CNTN5: variants seen among roughly 807,000 people sequenced by gnomAD.
CNTN5 encodes the protein contactin-5.
Under a neutral mutation model 129.1 loss-of-function variants are expected in CNTN5, and 77 were observed. The observed-to-expected ratio is 0.60, with a 90% CI of 0.50 to 0.72. CNTN5 has a LOEUF of 0.72. Ranked by LOEUF, CNTN5 falls within the 30% of genes least tolerant of loss-of-function variation. The pLI is 0.00. For synonymous variants in CNTN5, 509 were observed against 465.6 expected, an observed-to-expected ratio of 1.09 and a Z score of -1.20; for missense variants, 1,478 against 1,328.8, an observed-to-expected ratio of 1.11 and a Z score of -1.75.
chr11:100,337,027 T>A (rs1332972566), intron 21 of CNTN5: 1 of 904,518 alleles, frequency 1.1e-6, no homozygotes, highest in Non-Finnish European at 1.9e-6. Context: ...TTCTGCCACT[T>A]TGATTGATGA....
intron 9 of CNTN5, among the ~76,000 whole-genome samples, chr11:100,018,425 C>T (rs567051930): frequency 1.1e-4 from 16 of 151,898 alleles, no homozygotes; most frequent in South Asian, 6.2e-4. Context: ...CTCTTTTGAC[C>T]GAGAGTGGGA....
intron 3 of CNTN5, among the ~76,000 whole-genome samples, chr11:99,671,161 T>TTTTA (rs1565410831): frequency 1.3e-5 from 2 of 152,070 alleles, no homozygotes; most frequent in African/African-American, 4.8e-5. Flanking sequence ...TTTTTTTTTT[T>TTTTA]ATGTGTTACC....
intron 3 of CNTN5, among the ~76,000 whole-genome samples, chr11:99,572,174 C>A (rs1314960104): frequency 6.6e-6 from 1 of 152,136 alleles, no homozygotes; most frequent in African/African-American, 2.4e-5. Flanking sequence ...TAGGAATGTT[C>A]AATCCTTTGG....
chr11:99,769,640 C>A (rs886722774), intron 3 of CNTN5, among the ~76,000 whole-genome samples: 1 of 151,992 alleles, frequency 6.6e-6, no homozygotes, highest in Non-Finnish European at 1.5e-5. Flanking sequence ...AGTTGGAGAG[C>A]AGCCTGGGAA....
intron 13 of CNTN5, among the ~76,000 whole-genome samples, chr11:100,110,810 T>C (rs1048960351): frequency 6.6e-6 from 1 of 152,098 alleles, no homozygotes; most frequent in Non-Finnish European, 1.5e-5. Context: ...AACAGTGAAA[T>C]GTGGGATTGA....
intron 2 of CNTN5, among the ~76,000 whole-genome samples, chr11:99,423,743 A>AT (rs1565570265): frequency 6.6e-6 from 1 of 151,936 alleles, no homozygotes; most frequent in Non-Finnish European, 1.5e-5. Flanking sequence ...AATTCACAAC[A>AT]GGTTCCCTGG....
At chr11:99,794,310 T>A (rs769737834) in intron 3 of CNTN5, among the ~76,000 whole-genome samples, 4 of 152,100 alleles carry the variant, frequency 2.6e-5, no homozygotes, top group Non-Finnish European at 5.9e-5. Context: ...TGTGAAAGTA[T>A]GGGTGTCACT....
chr11:99,073,117 A>C (rs75451074), intron 1 of CNTN5, among the ~76,000 whole-genome samples: 4,158 of 152,148 alleles, frequency 0.027, 92 homozygotes, highest in East Asian at 0.06. Context: ...GATTTAGTAC[A>C]ATTTATTTAT....
intron 1 of CNTN5, among the ~76,000 whole-genome samples, chr11:99,321,324 A>ATTATATATATATAT (rs1865561192): frequency 6.7e-6 from 1 of 149,670 alleles, no homozygotes; most frequent in Admixed American, 6.7e-5. Flanking sequence ...GAGATTTTAT[A>ATTATATATATATAT]TTATATACAT....
chr11:99,901,357 C>T (rs1278505228), intron 6 of CNTN5, among the ~76,000 whole-genome samples: 1 of 152,028 alleles, frequency 6.6e-6, no homozygotes, highest in Non-Finnish European at 1.5e-5. Flanking sequence ...GCGGCACGAT[C>T]TTGGCTCACT....
chr11:99,828,272 C>T (rs1326110081), intron 4 of CNTN5, among the ~76,000 whole-genome samples: 1 of 152,096 alleles, frequency 6.6e-6, no homozygotes, highest in Non-Finnish European at 1.5e-5. Flanking sequence ...CTAATGATAG[C>T]ATTCTGTCTT....
intron 1 of CNTN5, among the ~76,000 whole-genome samples, chr11:99,088,192 T>G (rs1454536657): frequency 6.6e-6 from 1 of 152,184 alleles, no homozygotes; most frequent in Non-Finnish European, 1.5e-5. Flanking sequence ...GTGTCTTTTT[T>G]CTATGTTCTC....
intron 21 of CNTN5, among the ~76,000 whole-genome samples, chr11:100,317,271 T>C (rs1234114851): frequency 6.6e-6 from 1 of 152,192 alleles, no homozygotes; most frequent in Non-Finnish European, 1.5e-5. Context: ...CAGATTGTAT[T>C]TACTTTGTAT....
At position 99,867,153 on chromosome 11, in the gene CNTN5, A is replaced by G. The variant is rs372682369; in HGVS notation, c.577+21891A>G. ...CTAATGCTCTTGTAAAGAAAGAGCAATAAACATGTTGCATCTTGCAGTCAA... is the reference window on the plus strand; with the variant it reads ...CTAATGCTCTTGTAAAGAAAGAGCAGTAAACATGTTGCATCTTGCAGTCAA... On this transcript the variant is annotated intron_variant, in intron 6 of 24. Coordinates refer to ENST00000524871, the MANE Select transcript of CNTN5 (RefSeq NM_014361.4). Among the ~76,000 whole-genome samples, 31 of 152,348 alleles carry G rather than the reference A, an allele frequency of 2.0e-4. No individual in the cohort carries two copies. The East Asian group carries it at 3.3e-3, about 16-fold the overall frequency.
chr11:99,575,442 C>T (rs999987698), intron 3 of CNTN5, among the ~76,000 whole-genome samples: 1 of 152,062 alleles, frequency 6.6e-6, no homozygotes, highest in Non-Finnish European at 1.5e-5. Flanking sequence ...GAAAGATATG[C>T]CTTTTACTCT....
chr11:99,938,221 T>C (rs1048010111), intron 7 of CNTN5, among the ~76,000 whole-genome samples: 5 of 152,182 alleles, frequency 3.3e-5, no homozygotes, highest in African/African-American at 1.2e-4. Flanking sequence ...TCTTCACTAT[T>C]TTAATTACAT....
At chr11:100,096,438 C>T (rs569446444) in intron 13 of CNTN5, among the ~76,000 whole-genome samples, 6 of 152,140 alleles carry the variant, frequency 3.9e-5, no homozygotes, top group South Asian at 2.1e-4. Context: ...TCCGTCTACT[C>T]GCACCTTTTG....
At chr11:99,898,008 A>G (rs1319160985) in intron 6 of CNTN5, among the ~76,000 whole-genome samples, 1 of 152,150 alleles carries the variant, frequency 6.6e-6, no homozygotes, top group Non-Finnish European at 1.5e-5. Flanking sequence ...TCAAGTCAGA[A>G]ATCAAAATAA....
chr11:99,896,063 G>T (rs919704717), intron 6 of CNTN5, among the ~76,000 whole-genome samples: 1 of 152,082 alleles, frequency 6.6e-6, no homozygotes, highest in Non-Finnish European at 1.5e-5. Context: ...ATAACTCCCA[G>T]AGGTAGCTAA....
Sources: allele counts gnomAD v4.1 joint callset (sites outside exome capture counted in the v4.1 genomes callset), GRCh38; gene constraint gnomAD v4.1.1; transcripts MANE v1.5; gene names NCBI Gene and HGNC (gene_info 2026-07-23, HGNC 2026-07-21).